The following ABCA4 variants were observed in gnomAD, a reference collection of about 807,000 sequenced individuals.
The protein encoded by ABCA4 is retinal-specific phospholipid-transporting ATPase ABCA4.
ABCA4 carries 196 observed loss-of-function variants against 263.7 expected under a neutral mutation model. That is an observed-to-expected ratio of 0.74 (90% confidence interval 0.66 to 0.84). ABCA4 has a LOEUF of 0.84. Among genes scored for constraint, ABCA4 ranks in the 40% least tolerant of loss-of-function variants. The pLI is 0.00. For synonymous variants in ABCA4, 1,133 were observed against 1,094.2 expected (o/e 1.04, Z -0.70); for missense variants, 2,792 against 2,855.1 (o/e 0.98, Z 0.50).
intron 1 of ABCA4, among the ~76,000 whole-genome samples, chr1:94,118,115 C>A (rs1342087185): frequency 6.6e-6 from 1 of 152,100 alleles, no homozygotes; most frequent in Non-Finnish European, 1.5e-5. Flanking sequence ...CAGGTCCAAC[C>A]CCACCAGTTA....
At chr1:94,107,252 C>G (rs1048896163) in intron 4 of ABCA4, among the ~76,000 whole-genome samples, 1 of 152,200 alleles carries the variant, frequency 6.6e-6, no homozygotes, top group Non-Finnish European at 1.5e-5. Flanking sequence ...AAGCCCCTAA[C>G]AGCTGCTTTC....
intron 1 of ABCA4, among the ~76,000 whole-genome samples, chr1:94,116,221 A>G (rs1570436966): frequency 6.6e-6 from 1 of 150,612 alleles, no homozygotes; most frequent in African/African-American, 2.4e-5. Context: ...GACTGTTCCC[A>G]CCTCACCTGT....
In ABCA4 at chr1:94,021,699, C is replaced by T. The variant is rs1216892888; in HGVS notation, c.4789G>A (p.Glu1597Lys). The T allele has an allele frequency of 1.2e-6, 2 of 1,613,248 alleles. No homozygotes were observed. The highest frequency in any genetic ancestry group is 2.7e-5 in the African/African-American group (2 of 74,890). ...AAATCAGGTATTTCTTTAGAGGCCT[C>T]TCTAGTGATAGGGCCCTAAAAACCA... The part of the protein sequence containing the change: ...MNVSGGPITR[E>K]ASKEIPDFLK... Residue 1597 changes from glutamate to lysine, a missense_variant, in exon 34 of 50, where the codon GAG becomes AAG. Transcript: ENST00000370225.
chr1:94,063,707 C>T (rs950222992), intron 11 of ABCA4, among the ~76,000 whole-genome samples: 5 of 151,608 alleles, frequency 3.3e-5, no homozygotes, highest in Non-Finnish European at 2.9e-5. Context: ...GAAAGCCTGA[C>T]GATTAAAGAG....
intron 13 of ABCA4, among the ~76,000 whole-genome samples, 187 bp from the exon 14 acceptor site, chr1:94,060,946 A>AT (rs1234713743): frequency 6.6e-6 from 1 of 152,194 alleles, no homozygotes; most frequent in African/African-American, 2.4e-5. Flanking sequence ...CTGAAGCATT[A>AT]TTTTTTGTTT....
At chr1:93,993,335 A>G (rs577038211) in intron 49 of ABCA4, 93 bp from the exon 50 acceptor site, 27 of 1,554,006 alleles carry the variant, frequency 1.7e-5, no homozygotes, top group African/African-American at 1.5e-4. Flanking sequence ...TTGTCAATCA[A>G]TTTCTGAAGG....
intron 5 of ABCA4, among the ~76,000 whole-genome samples, chr1:94,099,913 G>A (rs982385814): frequency 1.3e-5 from 2 of 152,166 alleles, no homozygotes; most frequent in Admixed American, 6.5e-5. Flanking sequence ...CGAGGATCAG[G>A]TGGCAGGGGA....
chr1:94,120,887 G>GGCC, intron 1 of ABCA4, 93 bp downstream of exon 1: 22 of 339,358 alleles, frequency 6.5e-5, no homozygotes, highest in South Asian at 1.2e-4. Flanking sequence ...CCCCCACCCT[G>GGCC]CCCCACCACC....
At chr1:94,005,952 T>A (rs1240044382) in intron 43 of ABCA4, among the ~76,000 whole-genome samples, 1 of 152,214 alleles carries the variant, frequency 6.6e-6, no homozygotes, top group Non-Finnish European at 1.5e-5. Flanking sequence ...CTAGAAAAGA[T>A]GCATGTGTCC....
Position 94,108,515 on chromosome 1 carries a change from A to ATATC in ABCA4, c.442+58_442+61dup, listed in dbSNP as rs1395700359. ...TCACCAACTCTCCCTGTTCTTTCCT[A>ATATC]TATCTTCAGTCTCTCCATAGGTGAG... On this transcript the variant is annotated intron_variant, in intron 4 of 49. Coordinates refer to ENST00000370225, the MANE Select transcript of ABCA4 (RefSeq NM_000350.3). The ATATC allele has an allele frequency of 1.9e-6, 3 of 1,607,436 alleles. No homozygotes were observed. In the African/African-American group the frequency reaches 4.0e-5, roughly 22 times the overall value.
chr1:94,100,372 G>A (rs1284034628), intron 5 of ABCA4, among the ~76,000 whole-genome samples: 1 of 152,224 alleles, frequency 6.6e-6, no homozygotes, highest in African/African-American at 2.4e-5. Flanking sequence ...TGCCATGCTG[G>A]TAGGCACTTT....
At chr1:94,029,044 A>T (rs1660124061) in intron 30 of ABCA4, among the ~76,000 whole-genome samples, 1 of 152,098 alleles carries the variant, frequency 6.6e-6, no homozygotes, top group Non-Finnish European at 1.5e-5. Context: ...TTAAGACAAT[A>T]TTTGGAATAT....
At chr1:94,047,132 C>A (rs1660709284) in intron 18 of ABCA4, 39 bp from the exon 19 acceptor site, 1 of 1,608,554 alleles carries the variant, frequency 6.2e-7, no homozygotes. Flanking sequence ...AAACATAATG[C>A]CTAATTACAT....
At chr1:94,005,408 A>T in intron 44 of ABCA4, 33 bp downstream of exon 44, 1 of 1,613,622 alleles carries the variant, frequency 6.2e-7, no homozygotes, top group Non-Finnish European at 8.5e-7. Context: ...AATTAACCAG[A>T]CTCCTATGTG....
At chr1:94,077,039 G>A (rs1661553232) in intron 11 of ABCA4, among the ~76,000 whole-genome samples, 1 of 152,230 alleles carries the variant, frequency 6.6e-6, no homozygotes, top group South Asian at 2.1e-4. Flanking sequence ...AATGATAATG[G>A]TGCAAGCCTC....
intron 36 of ABCA4, 139 bp from the exon 37 acceptor site, chr1:94,015,993 G>T: frequency 1.3e-6 from 1 of 778,196 alleles, no homozygotes; most frequent in Non-Finnish European, 2.2e-6. Flanking sequence ...ACAGTTCTTG[G>T]TTGGCAAACA....
At position 94,078,652 on chromosome 1, in the gene ABCA4, C is replaced by G; in HGVS notation, c.1294G>C (p.Glu432Gln). Reference sequence around the variant, plus strand: ...TACCAGATCTGGGGCCCTACTTCTTCCCAGGCTTTGACCAACTTCCTAACG... The same window carrying G: ...TACCAGATCTGGGGCCCTACTTCTTGCCAGGCTTTGACCAACTTCCTAACG... ...EHVRKLVKAW[E>Q]EVGPQIWYFF... The change falls in exon 10 of 50, where the codon GAA becomes CAA. Residue 432 changes from glutamate (E) to glutamine (Q), a missense_variant. Transcript: ENST00000370225. The G allele has an allele frequency of 6.7e-7, 1 of 1,499,752 alleles. No individual in the cohort carries two copies. Among genetic ancestry groups the G allele is most frequent in the Non-Finnish European group, 9.0e-7 (1 of 1,112,854 alleles). 92.9% of individuals were successfully genotyped at this position (1,499,752 alleles called of 1,614,324 possible).
chr1:94,053,737 T>G (rs1660900095), intron 16 of ABCA4, among the ~76,000 whole-genome samples: 1 of 152,244 alleles, frequency 6.6e-6, no homozygotes, highest in Non-Finnish European at 1.5e-5. Context: ...CCTTCAGAGC[T>G]GTGAGATATA....
chr1:94,000,742 G>A (rs1049749853), intron 47 of ABCA4, 94 bp downstream of exon 47: 40 of 1,336,074 alleles, frequency 3.0e-5, no homozygotes, highest in East Asian at 2.7e-4. Flanking sequence ...AGGGGATGAC[G>A]GAGCAGCAGG....
Sources: gnomAD v4.1 joint callset for allele counts (sites outside exome capture counted in the v4.1 genomes callset) on GRCh38, gnomAD v4.1.1 for gene constraint, MANE v1.5 for transcripts, NCBI Gene and HGNC (gene_info 2026-07-23, HGNC 2026-07-21) for gene names.